Variants in GPHN observed in about 807,000 individuals in gnomAD.
GPHN encodes gephyrin.
Under a neutral mutation model 95.5 loss-of-function variants are expected in GPHN, and 17 were observed. That is an observed-to-expected ratio of 0.18 (90% CI 0.12 to 0.27). The LOEUF (loss-of-function observed/expected upper bound fraction) is 0.27, where lower values mean the gene tolerates loss of function less well. Ranked by LOEUF, GPHN falls within the 10% of genes least tolerant of loss-of-function variation. The pLI is 1.00. For missense variants in GPHN, 660 were observed against 978.1 expected (o/e 0.67, Z 4.34); for synonymous variants, 320 against 322.5 (o/e 0.99, Z 0.08).
chr14:67,104,627 T>G (rs1263635894), intron 13 of GPHN, among the ~76,000 whole-genome samples: 1 of 152,188 alleles, frequency 6.6e-6, no homozygotes, highest in Non-Finnish European at 1.5e-5. Flanking sequence ...TGCTAGGTTT[T>G]CTAATTTTTT....
chr14:66,508,391 C>T lies in GPHN; in HGVS notation c.-137C>T. The T allele has an allele frequency of 2.5e-6, 2 of 815,624 alleles. No homozygotes were observed. The highest frequency in any genetic ancestry group is 4.3e-6 in the Non-Finnish European group (2 of 464,922). 50.5% of individuals were successfully genotyped at this position (815,624 alleles called of 1,614,324 possible). On this transcript the variant is annotated 5_prime_UTR_variant, in exon 1 of 23. Transcript: ENST00000478722. ...GGCCACCGTGCACTCTGTGGCCTCC[C>T]CCTCCTTCCCCGCTCTCCTCGCGCT...
chr14:66,579,068 CAA>C (rs1430816306), intron 1 of GPHN, among the ~76,000 whole-genome samples: 1 of 151,588 alleles, frequency 6.6e-6, no homozygotes, highest in Non-Finnish European at 1.5e-5. Flanking sequence ...ACATCAGTAA[CAA>C]TATGTTGGTG....
At chr14:66,711,524 A>G (rs1402744533) in intron 2 of GPHN, among the ~76,000 whole-genome samples, 2 of 151,052 alleles carry the variant, frequency 1.3e-5, no homozygotes, top group Non-Finnish European at 2.9e-5. Flanking sequence ...TCTTTTTCAT[A>G]TAATGACTTC....
the GPHN span, among the ~76,000 whole-genome samples, chr14:67,644,929 C>T: frequency 6.6e-6 from 1 of 150,672 alleles, no homozygotes; most frequent in African/African-American, 2.4e-5. Flanking sequence ...ACCCAGGAGG[C>T]GGACGTTGTA....
chr14:67,690,425 T>C, the GPHN span: 2 of 1,613,354 alleles, frequency 1.2e-6, no homozygotes, highest in Non-Finnish European at 1.7e-6. Context: ...AAGTGACCTG[T>C]TGAGAAATAC....
the GPHN span, among the ~76,000 whole-genome samples, chr14:67,358,332 A>G: frequency 6.6e-6 from 1 of 152,210 alleles, no homozygotes; most frequent in Non-Finnish European, 1.5e-5. Context: ...TAAAAAATTT[A>G]AAAACTTCAT....
chr14:67,306,158 T>C, the GPHN span, among the ~76,000 whole-genome samples: 2 of 152,050 alleles, frequency 1.3e-5, no homozygotes, highest in South Asian at 4.1e-4. Flanking sequence ...TTAGCAGAGA[T>C]GGGGTTTCAC....
At chr14:66,937,359 G>T (rs2067181634) in intron 8 of GPHN, among the ~76,000 whole-genome samples, 1 of 151,314 alleles carries the variant, frequency 6.6e-6, no homozygotes, top group Non-Finnish European at 1.5e-5. Flanking sequence ...TTAGGTTTGG[G>T]CTGATTCGTT....
At chr14:67,384,972 AT>A in the GPHN span, 38 of 152,086 alleles carry the variant, frequency 2.5e-4, no homozygotes, top group African/African-American at 9.2e-4. Context: ...ACGCAGAGGA[AT>A]TTTTTCTTTT....
intron 1 of GPHN, among the ~76,000 whole-genome samples, chr14:66,569,955 T>C (rs2060614370): frequency 6.6e-6 from 1 of 152,112 alleles, no homozygotes; most frequent in Non-Finnish European, 1.5e-5. Flanking sequence ...TCATCCTCCA[T>C]CCCTAGCCCC....
At chr14:67,701,993 G>A in the GPHN span, 1 of 151,976 alleles carries the variant, frequency 6.6e-6, no homozygotes, top group African/African-American at 2.4e-5. Context: ...GTATCTCACT[G>A]TGTTGTAGAG....
At chr14:67,341,818 C>G in the GPHN span, among the ~76,000 whole-genome samples, 1 of 152,190 alleles carries the variant, frequency 6.6e-6, no homozygotes, top group Non-Finnish European at 1.5e-5. Flanking sequence ...ACATGGGAGA[C>G]TTTTCATTTT....
chr14:67,357,806 C>G, the GPHN span, among the ~76,000 whole-genome samples: 1 of 152,118 alleles, frequency 6.6e-6, no homozygotes, highest in African/African-American at 2.4e-5. Context: ...AAGTGTTGGT[C>G]AGTGTAAACG....
chr14:67,451,414 C>T, the GPHN span, among the ~76,000 whole-genome samples: 3 of 152,342 alleles, frequency 2.0e-5, no homozygotes, highest in East Asian at 5.8e-4. Context: ...ACACTCAATG[C>T]CAGTCTGTGA....
chr14:67,467,397 G>A, the GPHN span: 3 of 152,118 alleles, frequency 2.0e-5, no homozygotes, highest in Non-Finnish European at 2.9e-5. Context: ...CAGGTTTCAT[G>A]CCAAGACAAG....
the GPHN span, among the ~76,000 whole-genome samples, chr14:67,348,590 C>T: frequency 1.1e-4 from 17 of 152,108 alleles, no homozygotes; most frequent in South Asian, 1.5e-3. Flanking sequence ...GGTGCAATCT[C>T]GGCTCACTGG....
chr14:67,231,562 T>G, the GPHN span, among the ~76,000 whole-genome samples: 1 of 152,190 alleles, frequency 6.6e-6, no homozygotes, highest in Non-Finnish European at 1.5e-5. Context: ...CCTGAGCCAC[T>G]GGGTCCAGCC....
At chr14:67,723,043 T>C in the GPHN span, among the ~76,000 whole-genome samples, 1 of 152,196 alleles carries the variant, frequency 6.6e-6, no homozygotes, top group Admixed American at 6.5e-5. Flanking sequence ...CCTTTGGGTG[T>C]CTCTGAAGAA....
chr14:67,432,211 T>G, the GPHN span, among the ~76,000 whole-genome samples: 2 of 152,212 alleles, frequency 1.3e-5, no homozygotes, highest in African/African-American at 4.8e-5. Flanking sequence ...CATTATTGTC[T>G]CCACTTACAG....
Sources: allele counts gnomAD v4.1 joint callset (sites outside exome capture counted in the v4.1 genomes callset), GRCh38; gene constraint gnomAD v4.1.1; transcripts MANE v1.5; gene names NCBI Gene and HGNC (gene_info 2026-07-23, HGNC 2026-07-21).